The following CNTNAP2 variants were observed in gnomAD, a reference collection of about 807,000 sequenced individuals.
CNTNAP2 encodes the protein contactin associated protein 2.
In CNTNAP2, 98 loss-of-function variants were observed where a neutral mutation model predicts 155.2. The ratio of observed to expected loss-of-function variants is 0.63; its 90% CI spans 0.54 to 0.75. CNTNAP2 has a LOEUF of 0.75. Among genes scored for constraint, CNTNAP2 ranks in the 30% least tolerant of loss-of-function variants. CNTNAP2 has a pLI of 0.00. For synonymous variants in CNTNAP2, 651 were observed against 631.2 expected, an observed-to-expected ratio of 1.03 and a Z score of -0.47; for missense variants, 1,727 against 1,688.1, an observed-to-expected ratio of 1.02 and a Z score of -0.40.
intron 21 of CNTNAP2, among the ~76,000 whole-genome samples, chr7:148,299,680 A>G (rs993055464): frequency 1.3e-5 from 2 of 152,182 alleles, no homozygotes; most frequent in African/African-American, 2.4e-5. Context: ...TTCCCAACCT[A>G]ATTGTTTCAC....
chr7:148,033,362 T>TA (rs33962047), intron 15 of CNTNAP2, among the ~76,000 whole-genome samples: 67 of 146,300 alleles, frequency 4.6e-4, no homozygotes, highest in South Asian at 1.3e-3. Flanking sequence ...TTATTTCTTC[T>TA]AAAAAAAAAA....
chr7:147,674,181 C>T (rs79106065), intron 13 of CNTNAP2, among the ~76,000 whole-genome samples: 2,266 of 152,176 alleles, frequency 0.015, 38 homozygotes, highest in African/African-American at 0.038. Flanking sequence ...GCCTCACTCC[C>T]GTTGTGGACA....
intron 1 of CNTNAP2, among the ~76,000 whole-genome samples, chr7:146,322,481 G>T (rs987555513): frequency 6.6e-6 from 1 of 152,016 alleles, no homozygotes; most frequent in Admixed American, 6.6e-5. Flanking sequence ...TTTCTTCCAG[G>T]TATTGTTGCT....
chr7:146,930,908 C>T (rs1297803658), intron 3 of CNTNAP2, among the ~76,000 whole-genome samples: 1 of 152,032 alleles, frequency 6.6e-6, no homozygotes, highest in African/African-American at 2.4e-5. Context: ...TATATGCACC[C>T]AATACAGGAG....
intron 2 of CNTNAP2, among the ~76,000 whole-genome samples, chr7:146,775,251 G>T (rs1234258358): frequency 6.6e-6 from 1 of 152,044 alleles, no homozygotes; most frequent in Non-Finnish European, 1.5e-5. Flanking sequence ...TGTGTAGCAT[G>T]GTGACTATAG....
At chr7:147,451,428 A>G (rs1000950605) in intron 10 of CNTNAP2, among the ~76,000 whole-genome samples, 2 of 152,196 alleles carry the variant, frequency 1.3e-5, no homozygotes, top group Non-Finnish European at 2.9e-5. Flanking sequence ...TTCAGACAAC[A>G]TAGCAACTGG....
At chr7:146,137,778 T>C (rs1197911264) in intron 1 of CNTNAP2, among the ~76,000 whole-genome samples, 1 of 151,936 alleles carries the variant, frequency 6.6e-6, no homozygotes, top group African/African-American at 2.4e-5. Flanking sequence ...AACTTTTAAT[T>C]ACAATTTAAA....
rs59457201 is a variant in CNTNAP2 at position 147,273,627 on chromosome 7, T to A, written c.1349-26514T>A. Among the ~76,000 whole-genome samples, 1,055 of 151,858 alleles carry A rather than the reference T, an allele frequency of 6.9e-3. 13 individuals are homozygous for A. The highest frequency in any genetic ancestry group is 0.024 in the African/African-American group (1,009 of 41,480). On this transcript the variant is annotated intron_variant, in intron 8 of 23. Coordinates refer to ENST00000361727, the MANE Select transcript of CNTNAP2 (RefSeq NM_014141.6). ...CATGAAGTATTTGATTTTCTATTTC[T>A]GAGTTATTTGTCTTAGGATAATGGC...
chr7:147,575,510 A>G (rs2373102), intron 12 of CNTNAP2, among the ~76,000 whole-genome samples: 7 of 136,142 alleles, frequency 5.1e-5, no homozygotes, highest in African/African-American at 1.3e-4. Flanking sequence ...GGGGTATACA[A>G]CTGTGTGTGT....
chr7:147,827,842 C>T (rs1030775578), intron 13 of CNTNAP2, among the ~76,000 whole-genome samples: 1 of 152,022 alleles, frequency 6.6e-6, no homozygotes, highest in African/African-American at 2.4e-5. Context: ...TTGTATTAAA[C>T]CCATCATTTA....
intron 20 of CNTNAP2, among the ~76,000 whole-genome samples, chr7:148,253,109 T>C (rs1337485985): frequency 6.6e-6 from 1 of 151,232 alleles, no homozygotes; most frequent in African/African-American, 2.5e-5. Context: ...AACCCCAGTT[T>C]TGTATAGATC....
intron 22 of CNTNAP2, among the ~76,000 whole-genome samples, chr7:148,406,043 T>C (rs1204123343): frequency 6.6e-6 from 1 of 151,882 alleles, no homozygotes. Flanking sequence ...CCATCTTGGA[T>C]AACACGGTGA....
intron 21 of CNTNAP2, among the ~76,000 whole-genome samples, chr7:148,328,504 G>A (rs538670139): frequency 1.2e-4 from 8 of 65,616 alleles, no homozygotes; most frequent in Admixed American, 8.7e-4. Context: ...CCATCTCTTG[G>A]TGTTCAATAG....
rs1193809306 is a variant in CNTNAP2, at chr7:148,142,091, C to CTGTGTG, written c.2555-5399_2555-5398insGTGTGT. ...GTGGTTGTTAAGAGTAGAGATATGT[C>CTGTGTG]TCTGTGTGTGTGTGTGTGTGTGTGT... On this transcript the variant is annotated intron_variant, in intron 16 of 23. Coordinates refer to ENST00000361727, the MANE Select transcript of CNTNAP2 (RefSeq NM_014141.6). Among the ~76,000 whole-genome samples, 13 of 100,066 alleles carry CTGTGTG rather than the reference C, an allele frequency of 1.3e-4. 1 individual carries two copies. In the South Asian group the frequency reaches 3.1e-3, roughly 24 times the overall value. The allele number at this position is 100,066 out of a possible 152,430, so 65.6% of individuals were successfully genotyped here.
At chr7:146,933,303 T>A (rs1796824562) in intron 3 of CNTNAP2, among the ~76,000 whole-genome samples, 1 of 152,022 alleles carries the variant, frequency 6.6e-6, no homozygotes, top group Non-Finnish European at 1.5e-5. Flanking sequence ...AACTATCTGA[T>A]CTTTGACAAA....
chr7:147,786,649 T>C lies in CNTNAP2; in HGVS notation c.2099-116916T>C, dbSNP rs1797744582. ...CAAGGGAGATATTTGAGAGAACTCT[T>C]AAGATTTTTGGAATGGATTTCAGAA... On this transcript the variant is annotated intron_variant, in intron 13 of 23. Transcript: ENST00000361727. Among the ~76,000 whole-genome samples, 2 of 152,014 alleles carry C rather than the reference T, an allele frequency of 1.3e-5. 1 individual carries two copies. The highest frequency in any genetic ancestry group is 4.2e-4 in the South Asian group (2 of 4,806).
intron 1 of CNTNAP2, among the ~76,000 whole-genome samples, chr7:146,400,131 T>C (rs1476073227): frequency 6.6e-6 from 1 of 151,392 alleles, no homozygotes; most frequent in Non-Finnish European, 1.5e-5. Context: ...CCCTGCCTCC[T>C]ACCATAGCGA....
intron 11 of CNTNAP2, among the ~76,000 whole-genome samples, chr7:147,541,956 G>A (rs1291205493): frequency 6.6e-6 from 1 of 152,180 alleles, no homozygotes; most frequent in Admixed American, 6.5e-5. Context: ...CTATAAATGA[G>A]AGCCAGTGGC....
chr7:147,664,038 A>G (rs1795657847), intron 13 of CNTNAP2, among the ~76,000 whole-genome samples: 1 of 152,260 alleles, frequency 6.6e-6, no homozygotes, highest in African/African-American at 2.4e-5. Flanking sequence ...AGACATTAAC[A>G]GAGTACTAAA....
Sources: gnomAD v4.1 joint callset for allele counts (sites outside exome capture counted in the v4.1 genomes callset) on GRCh38, gnomAD v4.1.1 for gene constraint, MANE v1.5 for transcripts, NCBI Gene and HGNC (gene_info 2026-07-23, HGNC 2026-07-21) for gene names.